PAK5: variants seen among roughly 807,000 people sequenced by gnomAD.
PAK5 encodes serine/threonine-protein kinase PAK 5.
Under a neutral mutation model 65.9 loss-of-function variants are expected in PAK5, and 16 were observed. That is an observed-to-expected ratio of 0.24 (90% CI 0.16 to 0.37). The LOEUF is 0.37. Ranked by LOEUF, PAK5 falls within the 10% of genes least tolerant of loss-of-function variation. The probability of loss-of-function intolerance (pLI) is 1.00; values close to 1 mark genes in which losing one functional copy is unlikely to be tolerated. For missense variants in PAK5, 785 were observed against 903.9 expected (o/e 0.87, Z 1.69); for synonymous variants, 371 against 354.9 (o/e 1.05, Z -0.51).
chr20:9,784,826 T>TCTAA (rs1319615795), intron 1 of PAK5, among the ~76,000 whole-genome samples: 1 of 151,714 alleles, frequency 6.6e-6, no homozygotes, highest in African/African-American at 2.4e-5. Context: ...AAACAACACA[T>TCTAA]GTAGCCACAC....
At chr20:9,540,737 C>CTTTTTTTTT (rs1168963029) in intron 9 of PAK5, among the ~76,000 whole-genome samples, 1 of 138,256 alleles carries the variant, frequency 7.2e-6, no homozygotes. Flanking sequence ...TTTTTAGTCA[C>CTTTTTTTTT]TTTTTTTTTT....
intron 1 of PAK5, among the ~76,000 whole-genome samples, chr20:9,808,475 G>C (rs557884174): frequency 4.7e-4 from 71 of 152,278 alleles, no homozygotes; most frequent in Middle Eastern, 6.8e-3. Flanking sequence ...TATTCATAAT[G>C]TCCAAAAAGC....
At chr20:9,602,636 A>G (rs1422056424) in intron 3 of PAK5, among the ~76,000 whole-genome samples, 8 of 152,226 alleles carry the variant, frequency 5.3e-5, no homozygotes, top group Admixed American at 3.9e-4. Flanking sequence ...ATTAGTAGCT[A>G]GTAAGAAGCT....
At chr20:9,758,893 A>G (rs2048665973) in intron 1 of PAK5, among the ~76,000 whole-genome samples, 2 of 152,280 alleles carry the variant, frequency 1.3e-5, no homozygotes, top group Non-Finnish European at 1.5e-5. Context: ...AGGAAAAGAA[A>G]GGCAGCAAAG....
rs1203290420 is a variant in PAK5 at position 9,538,168 on chromosome 20, A to G, written c.*1294T>C. ...CAACAAGCAACACAAAATGTATTGTAGTAGTCATTCATTTTTATCAACATT... is the reference window on the plus strand; with the variant it reads ...CAACAAGCAACACAAAATGTATTGTGGTAGTCATTCATTTTTATCAACATT... On this transcript the variant is annotated 3_prime_UTR_variant, in exon 10 of 10. Coordinates refer to ENST00000353224, the MANE Select transcript of PAK5 (RefSeq NM_177990.4). 1 of 233,376 alleles carries G rather than the reference A, an allele frequency of 4.3e-6. No homozygotes were observed. The highest frequency in any genetic ancestry group is 8.5e-6 in the Non-Finnish European group (1 of 117,940). The allele number at this position is 233,376 out of a possible 1,614,324, so 14.5% of individuals were successfully genotyped here.
At chr20:9,764,058 T>C (rs541696426) in intron 1 of PAK5, among the ~76,000 whole-genome samples, 2 of 152,294 alleles carry the variant, frequency 1.3e-5, no homozygotes, top group South Asian at 4.1e-4. Flanking sequence ...TTATCAAATA[T>C]ATAGTCTATA....
intron 1 of PAK5, among the ~76,000 whole-genome samples, chr20:9,718,505 A>G (rs2048176508): frequency 6.6e-6 from 1 of 152,092 alleles, no homozygotes; most frequent in Non-Finnish European, 1.5e-5. Context: ...TCCTCCCTTT[A>G]TGGAGAATGG....
intron 2 of PAK5, among the ~76,000 whole-genome samples, chr20:9,701,963 G>A (rs1055426953): frequency 1.3e-5 from 2 of 152,184 alleles, no homozygotes; most frequent in East Asian, 3.9e-4. Context: ...CTGTATCACT[G>A]CACTCCAGCC....
intron 6 of PAK5, 66 bp from the exon 7 acceptor site, chr20:9,557,800 G>A: frequency 7.3e-7 from 1 of 1,367,652 alleles, no homozygotes; most frequent in East Asian, 2.3e-5. Context: ...GCTCAAGAGA[G>A]GCAGCTCCCT....
intron 1 of PAK5, among the ~76,000 whole-genome samples, chr20:9,833,214 A>G (rs1978866256): frequency 6.6e-6 from 1 of 152,156 alleles, no homozygotes; most frequent in South Asian, 2.1e-4. Flanking sequence ...CGTTTTGTCA[A>G]ATACTCCTCA....
intron 1 of PAK5, among the ~76,000 whole-genome samples, chr20:9,808,943 G>A (rs765409599): frequency 1.3e-5 from 2 of 152,136 alleles, no homozygotes. Flanking sequence ...AGAAGGTAAT[G>A]CAATCTGGGG....
At chr20:9,739,995 AGCTATATTTG>A (rs1354205780) in intron 1 of PAK5, among the ~76,000 whole-genome samples, 1 of 152,154 alleles carries the variant, frequency 6.6e-6, no homozygotes, top group African/African-American at 2.4e-5. Context: ...GCCAACCAGA[AGCTATATTTG>A]GCAGTTGCAC....
intron 1 of PAK5, among the ~76,000 whole-genome samples, chr20:9,741,878 A>G (rs1443487664): frequency 6.6e-6 from 1 of 152,104 alleles, no homozygotes; most frequent in Non-Finnish European, 1.5e-5. Context: ...GAGAAAAAAA[A>G]AAACTCCTCC....
intron 6 of PAK5, among the ~76,000 whole-genome samples, chr20:9,558,257 G>A (rs759576953): frequency 1.2e-4 from 18 of 151,734 alleles, no homozygotes; most frequent in East Asian, 3.9e-4. Flanking sequence ...GACTACAGGC[G>A]CCCATCATTA....
chr20:9,833,485 A>C (rs1978896161), intron 1 of PAK5, among the ~76,000 whole-genome samples: 2 of 88,536 alleles, frequency 2.3e-5, no homozygotes, highest in Admixed American at 1.6e-4. Flanking sequence ...TCATCCCACC[A>C]CCTTCATGTA....
At chr20:9,556,543 G>T (rs1376711128) in intron 7 of PAK5, among the ~76,000 whole-genome samples, 1 of 152,202 alleles carries the variant, frequency 6.6e-6, no homozygotes, top group Non-Finnish European at 1.5e-5. Flanking sequence ...TCATGCCAAG[G>T]CCATTGCCTC....
At chr20:9,723,577 G>A (rs187997545) in intron 1 of PAK5, among the ~76,000 whole-genome samples, 55 of 152,220 alleles carry the variant, frequency 3.6e-4, no homozygotes, top group African/African-American at 1.3e-3. Flanking sequence ...GATTTGATTT[G>A]CTCCATGGGA....
At chr20:9,559,614 T>C (rs1033203353) in intron 6 of PAK5, among the ~76,000 whole-genome samples, 1 of 152,030 alleles carries the variant, frequency 6.6e-6, no homozygotes, top group South Asian at 2.1e-4. Flanking sequence ...ATACAAAAAA[T>C]TAGCTGGGCA....
chr20:9,726,408 A>C (rs2123537738), intron 1 of PAK5, among the ~76,000 whole-genome samples: 1 of 152,306 alleles, frequency 6.6e-6, no homozygotes, highest in African/African-American at 2.4e-5. Flanking sequence ...AAAAAGTAAT[A>C]GCCTCAGCAG....
Sources: allele counts gnomAD v4.1 joint callset (sites outside exome capture counted in the v4.1 genomes callset), GRCh38; gene constraint gnomAD v4.1.1; transcripts MANE v1.5; gene names NCBI Gene and HGNC (gene_info 2026-07-23, HGNC 2026-07-21).